Variants in ITIH5 observed in about 807,000 individuals in gnomAD.
ITIH5 encodes the protein inter-alpha-trypsin inhibitor heavy chain H5.
A neutral mutation model predicts 77.5 loss-of-function variants in ITIH5; 65 were observed. The observed-to-expected ratio is 0.84, with a 90% CI of 0.69 to 1.03. The LOEUF (loss-of-function observed/expected upper bound fraction) is 1.03, where lower values mean the gene tolerates loss of function less well. Among genes scored for constraint, ITIH5 ranks in the 50% least tolerant of loss-of-function variants. The pLI is 0.00. For missense variants in ITIH5, 1,208 were observed against 1,213.1 expected, an observed-to-expected ratio of 1.00 and a Z score of 0.06; for synonymous variants, 525 against 494.3, an observed-to-expected ratio of 1.06 and a Z score of -0.82.
intron 1 of ITIH5, among the ~76,000 whole-genome samples, chr10:7,658,069 T>G (rs1175873402): frequency 6.6e-6 from 1 of 152,230 alleles, no homozygotes; most frequent in Non-Finnish European, 1.5e-5. Context: ...TTTTAAGTGA[T>G]GAAATCAGGT....
intron 7 of ITIH5, among the ~76,000 whole-genome samples, chr10:7,601,320 T>G (rs1833011258): frequency 6.6e-6 from 1 of 151,924 alleles, no homozygotes; most frequent in South Asian, 2.1e-4. Flanking sequence ...CCCAGGGGGG[T>G]TCTTGGAGGT....
chr10:7,659,959 A>G (rs564040065), intron 1 of ITIH5, among the ~76,000 whole-genome samples: 1 of 152,298 alleles, frequency 6.6e-6, no homozygotes, highest in South Asian at 2.1e-4. Context: ...GGCTACAGAA[A>G]AGTAACTGAC....
In ITIH5 at chr10:7,566,213, C is replaced by T; in HGVS notation, c.2344G>A (p.Gly782Arg). The stretch of plus-strand genomic sequence containing the variant: ...ACGGACACCTCCAGCCCCCAGCTCC[C>T]CACCACCACACTCTGGTTGCAGGGG... ...VLPCNQSVVV[G>R]SWGLEVSVSA... The change falls in exon 13 of 14, where the codon GGG becomes AGG. Residue 782 changes from glycine (G) to arginine (R), a missense_variant. By Grantham distance (125) the Gly-to-Arg change is moderately radical (BLOSUM62 -2). Transcript: ENST00000397146. The T allele has an allele frequency of 6.2e-7, 1 of 1,613,936 alleles. No homozygotes were observed. Among genetic ancestry groups the T allele is most frequent in the Non-Finnish European group, 8.5e-7 (1 of 1,179,950 alleles).
intron 7 of ITIH5, among the ~76,000 whole-genome samples, chr10:7,596,805 T>A (rs1055462768): frequency 6.6e-6 from 1 of 151,940 alleles, no homozygotes; most frequent in Non-Finnish European, 1.5e-5. Context: ...GATTACACTT[T>A]GGGAGGTCGA....
intron 7 of ITIH5, among the ~76,000 whole-genome samples, chr10:7,601,680 G>A (rs917912183): frequency 2.0e-4 from 30 of 152,094 alleles, no homozygotes; most frequent in African/African-American, 5.8e-4. Context: ...GATGGGGAAC[G>A]CCACCACACA....
rs774572211 is a variant in ITIH5, at chr10:7,563,321, G to C, written c.2591C>G (p.Thr864Ser). The C allele has an allele frequency of 3.7e-6, 6 of 1,614,220 alleles. No homozygotes were observed. The Admixed American group carries it at 1.0e-4, about 27-fold the overall frequency. The change falls in exon 14 of 14, where the codon ACT (threonine) becomes AGT (serine). Residue 864 changes from threonine (T) to serine (S), a missense_variant. Physicochemically the swap from Thr to Ser is moderately conservative, Grantham distance 58. Transcript: ENST00000397146. ...EDPAGPSQNL[T>S]HPLLLQVGEG... is the part of the protein sequence containing the mutation. ...TCCCACCTGAAGGAGCAGAGGGTGA[G>C]TGAGGTTCTGGCTGGGCCCTGCAGG...
At chr10:7,619,594 TG>T in intron 5 of ITIH5, 1 of 395,012 alleles carries the variant, frequency 2.5e-6, no homozygotes, top group Non-Finnish European at 5.2e-6. Context: ...TCCGCATGGC[TG>T]GGGAAGCCTC....
intron 11 of ITIH5, chr10:7,571,305 C>A (rs1832292431): frequency 6.6e-6 from 1 of 152,096 alleles, no homozygotes; most frequent in South Asian, 2.1e-4. Context: ...GTTCCAGGAC[C>A]CCCGCGGATA....
At position 7,599,269 on chromosome 10, in the gene ITIH5, T is replaced by C. The variant is rs533501456; in HGVS notation, c.940-13200A>G. On this transcript the variant is annotated intron_variant, in intron 7 of 13. Coordinates refer to ENST00000397146, the MANE Select transcript of ITIH5 (RefSeq NM_030569.7). ...TAGCCAAGAACACAGCCTTAGTACA[T>C]AGGCTTGACAGCCTTAACAAGAACC... is the stretch of plus-strand genomic sequence containing the variant. Among the ~76,000 whole-genome samples, 70 of 152,332 alleles carry C rather than the reference T, an allele frequency of 4.6e-4. No individual in the cohort carries two copies. In the East Asian group the frequency reaches 5.2e-3, roughly 11 times the overall value.
intron 13 of ITIH5, among the ~76,000 whole-genome samples, chr10:7,564,128 G>A (rs995392103): frequency 1.4e-4 from 22 of 152,248 alleles, no homozygotes; most frequent in South Asian, 4.1e-4. Context: ...GGGCTGCCTC[G>A]TGTCTGTGTA....
At chr10:7,635,124 C>A (rs1205424684) in intron 5 of ITIH5, among the ~76,000 whole-genome samples, 1 of 152,154 alleles carries the variant, frequency 6.6e-6, no homozygotes, top group Non-Finnish European at 1.5e-5. Context: ...ACTCAATTAG[C>A]TACCTACTGT....
intron 7 of ITIH5, among the ~76,000 whole-genome samples, chr10:7,593,866 G>T (rs149355528): frequency 6.0e-4 from 91 of 152,332 alleles, no homozygotes; most frequent in African/African-American, 2.0e-3. Context: ...ACCAATCCTT[G>T]CAGACTGCAG....
chr10:7,618,774 ATTTGTAT>A (rs1833418628), intron 5 of ITIH5: 1 of 152,264 alleles, frequency 6.6e-6, no homozygotes, highest in Admixed American at 6.5e-5. Context: ...GGCCACAGTA[ATTTGTAT>A]TTAAAAATAA....
At chr10:7,567,061 C>T (rs1165942226) in intron 12 of ITIH5, among the ~76,000 whole-genome samples, 2 of 151,766 alleles carry the variant, frequency 1.3e-5, no homozygotes, top group Non-Finnish European at 2.9e-5. Context: ...AGTGAGTGAA[C>T]AAATGAGGGA....
chr10:7,600,912 T>C (rs1388469954), intron 7 of ITIH5, among the ~76,000 whole-genome samples: 1 of 152,164 alleles, frequency 6.6e-6, no homozygotes, highest in Non-Finnish European at 1.5e-5. Context: ...CAGAGTCTGT[T>C]GGCATCTTGA....
chr10:7,629,230 C>CCCATGTTGTAGCGTGTGT (rs1164609491), intron 5 of ITIH5, among the ~76,000 whole-genome samples: 1 of 35,188 alleles, frequency 2.8e-5, no homozygotes, highest in Non-Finnish European at 7.1e-5. Flanking sequence ...GTAGCGTGTG[C>CCCATGTTGTAGCGTGTGT]CCATGTTGTA....
In ITIH5 at chr10:7,666,830, C is replaced by A. The variant is rs769320978; in HGVS notation, c.63G>T (p.Ala21=). ...GCTCCGAAGAGTGGCCCCAGCTCTG[C>A]GCCTCTTCCTGCGACCCCACACACA... ...LSLCVGSQEE[A]QSWGHSSEQD... is the part of the protein sequence containing the mutation. Residue 21 remains alanine, a synonymous_variant, in exon 1 of 14, where the codon GCG becomes GCT. Coordinates refer to ENST00000397146, the MANE Select transcript of ITIH5 (RefSeq NM_030569.7). The A allele has an allele frequency of 3.7e-6, 6 of 1,609,058 alleles. No homozygotes were observed. The East Asian group carries it at 9.0e-5, about 24-fold the overall frequency.
intron 7 of ITIH5, among the ~76,000 whole-genome samples, chr10:7,610,605 A>G (rs1833225311): frequency 6.6e-6 from 1 of 152,224 alleles, no homozygotes; most frequent in Non-Finnish European, 1.5e-5. Context: ...AAGCCTGTTG[A>G]CACAATATGA....
Position 7,640,739 on chromosome 10 carries a change from T to C in ITIH5, c.401+15A>G. The C allele has an allele frequency of 6.4e-7, 1 of 1,561,922 alleles. No individual in the cohort carries two copies. Among genetic ancestry groups the C allele is most frequent in the Non-Finnish European group, 8.8e-7 (1 of 1,134,386 alleles). On this transcript the variant is annotated intron_variant, in intron 4 of 13. Transcript: ENST00000397146. ...CTAAAATGGGTTTTTAATTCCTTAA[T>C]TAACCAATACTTACCCATTTTCTTC...
Sources: allele counts gnomAD v4.1 joint callset (sites outside exome capture counted in the v4.1 genomes callset), GRCh38; gene constraint gnomAD v4.1.1; transcripts MANE v1.5; gene names NCBI Gene and HGNC (gene_info 2026-07-23, HGNC 2026-07-21).